Variants in PGAP1 observed in about 807,000 individuals in gnomAD.
The protein encoded by PGAP1 is post-GPI attachment to proteins inositol deacylase 1.
PGAP1 carries 76 observed loss-of-function variants against 127.0 expected under a neutral mutation model. The observed-to-expected ratio is 0.60, with a 90% CI of 0.50 to 0.72. The LOEUF (loss-of-function observed/expected upper bound fraction) is 0.72. Ranked by LOEUF, PGAP1 falls within the 30% of genes least tolerant of loss-of-function variation. PGAP1 has a pLI of 0.00. For missense variants in PGAP1, 982 were observed against 1,071.3 expected, an observed-to-expected ratio of 0.92 and a Z score of 1.16; for synonymous variants, 362 against 366.5, an observed-to-expected ratio of 0.99 and a Z score of 0.14.
intron 18 of PGAP1, among the ~76,000 whole-genome samples, chr2:196,871,555 T>C (rs903325942): frequency 1.3e-5 from 2 of 152,134 alleles, no homozygotes; most frequent in Non-Finnish European, 2.9e-5. Flanking sequence ...ATTATAAATA[T>C]GAACATGCAA....
At chr2:196,886,438 G>A (rs956477994) in intron 10 of PGAP1, among the ~76,000 whole-genome samples, 4 of 151,838 alleles carry the variant, frequency 2.6e-5, no homozygotes, top group African/African-American at 9.7e-5. Flanking sequence ...TGGGATTATA[G>A]GTGTGAGCCA....
chr2:196,916,659 G>T, intron 2 of PGAP1, 66 bp from the exon 3 acceptor site: 1 of 1,420,818 alleles, frequency 7.0e-7, no homozygotes, highest in Non-Finnish European at 9.3e-7. Flanking sequence ...TCTTTCTTCA[G>T]AATTTCTTAG....
At position 196,834,449 on chromosome 2, in the gene PGAP1, A is replaced by AT. The variant is rs943614504; in HGVS notation, c.*6784dup. On this transcript the variant is annotated 3_prime_UTR_variant, in exon 27 of 27. Transcript: ENST00000354764. The stretch of plus-strand genomic sequence containing the variant: ...ATAAAATTGCAGGGCACTCTTTATC[A>AT]TTTCAAGGCACACTCTGTTTTATCC... The AT allele has an allele frequency of 3.9e-5, 6 of 152,432 alleles. No homozygotes were observed. The highest frequency in any genetic ancestry group is 8.8e-5 in the Non-Finnish European group (6 of 67,894). The allele number at this position is 152,432 out of a possible 1,614,324, so 9.4% of individuals were successfully genotyped here.
chr2:196,919,628 T>C (rs1229798587), intron 2 of PGAP1, among the ~76,000 whole-genome samples: 2 of 152,198 alleles, frequency 1.3e-5, no homozygotes, highest in East Asian at 3.8e-4. Flanking sequence ...CTGCATAACA[T>C]TAGTCACTGA....
chr2:196,843,867 A>G (rs1700483410), intron 25 of PGAP1, 21 bp downstream of exon 25: 2 of 1,410,812 alleles, frequency 1.4e-6, no homozygotes, highest in South Asian at 3.4e-5. Flanking sequence ...CATAAACAAT[A>G]ATTATATCAA....
chr2:196,894,671 G>C (rs1702216506), intron 7 of PGAP1, among the ~76,000 whole-genome samples: 1 of 152,022 alleles, frequency 6.6e-6, no homozygotes, highest in Non-Finnish European at 1.5e-5. Context: ...GTATGGTGGT[G>C]GGCACCTGTG....
At chr2:196,917,416 T>C (rs979918631) in intron 2 of PGAP1, among the ~76,000 whole-genome samples, 3 of 152,224 alleles carry the variant, frequency 2.0e-5, no homozygotes, top group Non-Finnish European at 1.5e-5. Context: ...CTCTGGTATA[T>C]ATTTTACAAC....
At chr2:196,873,645 G>T (rs373406603) in intron 15 of PGAP1, 40 bp downstream of exon 15, 66 of 1,596,534 alleles carry the variant, frequency 4.1e-5, no homozygotes, top group Non-Finnish European at 5.6e-5. Flanking sequence ...AAACATTAAA[G>T]TAAAATCAAA....
At chr2:196,916,688 A>G in intron 2 of PGAP1, 95 bp from the exon 3 acceptor site, 1 of 1,214,532 alleles carries the variant, frequency 8.2e-7, no homozygotes, top group East Asian at 2.8e-5. Flanking sequence ...CTTATCCTGC[A>G]TCACGAATAT....
intron 2 of PGAP1, among the ~76,000 whole-genome samples, chr2:196,918,715 G>A (rs923027543): frequency 1.3e-5 from 2 of 152,134 alleles, no homozygotes; most frequent in Non-Finnish European, 2.9e-5. Context: ...AGAAAGAAGG[G>A]AACAAAGTTT....
intron 10 of PGAP1, among the ~76,000 whole-genome samples, chr2:196,886,223 C>T (rs565985703): frequency 6.8e-6 from 1 of 146,648 alleles, no homozygotes; most frequent in Admixed American, 6.9e-5. Flanking sequence ...TACAGTGGCA[C>T]GACCTTGGCT....
rs145994950 is a variant in PGAP1 at position 196,889,154 on chromosome 2, G to A, written c.1173+1674C>T. Among the ~76,000 whole-genome samples the A allele has an allele frequency of 2.0e-3, 298 of 152,134 alleles. 2 individuals carry two copies. The highest frequency in any genetic ancestry group is 6.7e-3 in the African/African-American group (278 of 41,518). On this transcript the variant is annotated intron_variant, in intron 10 of 26. Transcript: ENST00000354764. ...AAATGAATAATTTGCACTTTGACAA[G>A]CATTTTTCTTAATATAATACTGACA...
intron 15 of PGAP1, 41 bp from the exon 16 acceptor site, chr2:196,873,620 C>T: frequency 1.3e-6 from 2 of 1,597,954 alleles, no homozygotes; most frequent in South Asian, 2.2e-5. Context: ...TAAAGGTTTA[C>T]TTGTATGTTA....
In PGAP1 at chr2:196,837,002, T is replaced by A. The variant is rs985097131; in HGVS notation, c.*4232A>T. On this transcript the variant is annotated 3_prime_UTR_variant, in exon 27 of 27. Transcript: ENST00000354764. ...TAGAAAGTCCCAACACATTTTCATT[T>A]TTCCCAAATGATTAATAATAACCAG... is the stretch of plus-strand genomic sequence containing the variant. 1.3e-5 allele frequency: 2 copies of A among 152,168 alleles called. No individual in the cohort carries two copies. Among genetic ancestry groups the A allele is most frequent in the African/African-American group, 2.4e-5 (1 of 41,434 alleles). The allele number at this position is 152,168 out of a possible 1,614,324, so 9.4% of individuals were successfully genotyped here.
At position 196,926,498 on chromosome 2, in the gene PGAP1, C is replaced by T. The variant is rs1703365120; in HGVS notation, c.119G>A (p.Ser40Asn). The T allele has an allele frequency of 6.2e-7, 1 of 1,613,946 alleles. No individual in the cohort carries two copies. The highest frequency in any genetic ancestry group is 8.5e-7 in the Non-Finnish European group (1 of 1,179,872). ...FGFEENKCSMSYMFEYPEYQK... is the reference protein window; with the variant it reads ...FGFEENKCSMNYMFEYPEYQK... ...ATACTCCGGGTACTCAAACATGTAG[C>T]TCATACTGCACTTATTCTCCTCGAA... The change falls in exon 1 of 27, where the codon AGC becomes AAC. Residue 40 changes from serine (S) to asparagine (N), a missense_variant. Ser to Asn is a conservative substitution (Grantham distance 46). Transcript: ENST00000354764.
At chr2:196,904,259 A>T (rs1355045854) in intron 4 of PGAP1, among the ~76,000 whole-genome samples, 1 of 152,180 alleles carries the variant, frequency 6.6e-6, no homozygotes, top group East Asian at 1.9e-4. Flanking sequence ...TTCTCTTCCC[A>T]TCCTAATTCG....
At chr2:196,841,522 C>CT (rs1700412361) in intron 26 of PGAP1, 150 bp from the exon 27 acceptor site, 1 of 667,510 alleles carries the variant, frequency 1.5e-6, no homozygotes, top group Non-Finnish European at 2.4e-6. Flanking sequence ...TTCATAATTT[C>CT]TTTTTTTATT....
At chr2:196,919,028 A>G (rs982664328) in intron 2 of PGAP1, among the ~76,000 whole-genome samples, 8 of 152,056 alleles carry the variant, frequency 5.3e-5, no homozygotes, top group African/African-American at 1.7e-4. Context: ...GATAGCCTCC[A>G]ATGCACAAAA....
Position 196,846,092 on chromosome 2 carries a change from A to C in PGAP1, c.2151-75T>G, listed in dbSNP as rs1331139584. On this transcript the variant is annotated intron_variant, in intron 22 of 26. Coordinates refer to ENST00000354764, the MANE Select transcript of PGAP1 (RefSeq NM_024989.4). ...TAGTCACATATAAGAAGAAAACAAT[A>C]TAGTACCCTCCCAGTCTCTCTTGCT... 4.7e-6 allele frequency: 4 copies of C among 854,076 alleles called. No individual in the cohort carries two copies. In the African/African-American group the frequency reaches 6.9e-5, roughly 15 times the overall value. 52.9% of individuals were successfully genotyped at this position (854,076 alleles called of 1,614,324 possible).
Sources: allele counts gnomAD v4.1 joint callset (sites outside exome capture counted in the v4.1 genomes callset), GRCh38; gene constraint gnomAD v4.1.1; transcripts MANE v1.5; gene names NCBI Gene and HGNC (gene_info 2026-07-23, HGNC 2026-07-21).